The following LINGO2 variants were observed in gnomAD, a reference collection of about 807,000 sequenced individuals.
LINGO2 encodes the protein leucine-rich repeat and immunoglobulin-like domain-containing nogo receptor-interacting protein 2.
In LINGO2, 14 loss-of-function variants were observed where a neutral mutation model predicts 30.6. The ratio of observed to expected loss-of-function variants is 0.46; its 90% CI spans 0.30 to 0.72. The LOEUF is 0.72. LINGO2 is among the 30% of genes least tolerant of loss of function. The pLI, the probability that LINGO2 is intolerant of heterozygous loss-of-function variation, is 0.07. For missense variants in LINGO2, 729 were observed against 751.7 expected (o/e 0.97, Z 0.35); for synonymous variants, 317 against 288.5 (o/e 1.10, Z -1.00).
the LINGO2 span, among the ~76,000 whole-genome samples, chr9:29,133,287 G>A: frequency 6.6e-6 from 1 of 152,098 alleles, no homozygotes; most frequent in Non-Finnish European, 1.5e-5. Flanking sequence ...AAGTGGTGGT[G>A]GGACAGGGAG....
intron 3 of LINGO2, among the ~76,000 whole-genome samples, chr9:28,346,534 A>G (rs1819577652): frequency 6.6e-6 from 1 of 152,168 alleles, no homozygotes. Context: ...AACAATTTAT[A>G]TTCCTTTGGG....
chr9:28,447,572 G>A (rs1404131589), intron 2 of LINGO2, among the ~76,000 whole-genome samples: 1 of 152,150 alleles, frequency 6.6e-6, no homozygotes, highest in Non-Finnish European at 1.5e-5. Context: ...TTCCTCTAAT[G>A]AGTTTGAAGT....
chr9:28,892,686 G>A, the LINGO2 span, among the ~76,000 whole-genome samples: 1 of 151,786 alleles, frequency 6.6e-6, no homozygotes, highest in African/African-American at 2.4e-5. Context: ...ATAAGAAACA[G>A]CAATGATAAC....
At chr9:29,142,479 C>T in the LINGO2 span, among the ~76,000 whole-genome samples, 2 of 151,590 alleles carry the variant, frequency 1.3e-5, no homozygotes, top group Non-Finnish European at 1.5e-5. Context: ...AACAACTTAA[C>T]TTTATACCTT....
chr9:28,581,829 T>C (rs190892420), intron 1 of LINGO2, among the ~76,000 whole-genome samples: 178 of 152,140 alleles, frequency 1.2e-3, no homozygotes, highest in Admixed American at 6.4e-3. Flanking sequence ...TTAATTTTCA[T>C]AATTCATATT....
chr9:29,020,845 G>A, the LINGO2 span, among the ~76,000 whole-genome samples: 2 of 151,954 alleles, frequency 1.3e-5, no homozygotes, highest in Admixed American at 1.3e-4. Flanking sequence ...AGCAAAGGGT[G>A]GGGGGAAAAG....
the LINGO2 span, among the ~76,000 whole-genome samples, chr9:29,048,767 G>A: frequency 6.6e-6 from 1 of 152,082 alleles, no homozygotes; most frequent in African/African-American, 2.4e-5. Context: ...TCCATATGCA[G>A]AAAAATAAAA....
At chr9:28,395,611 A>G (rs1195467013) in intron 2 of LINGO2, among the ~76,000 whole-genome samples, 1 of 152,224 alleles carries the variant, frequency 6.6e-6, no homozygotes, top group Non-Finnish European at 1.5e-5. Flanking sequence ...CAAGTTAACC[A>G]ACAAAGCCCA....
At chr9:28,861,025 A>G in the LINGO2 span, among the ~76,000 whole-genome samples, 1 of 128,732 alleles carries the variant, frequency 7.8e-6, no homozygotes. Flanking sequence ...AATATATTAT[A>G]TAATACATAT....
At chr9:28,545,508 T>C (rs1821890604) in intron 1 of LINGO2, among the ~76,000 whole-genome samples, 1 of 152,062 alleles carries the variant, frequency 6.6e-6, no homozygotes, top group African/African-American at 2.4e-5. Flanking sequence ...ATGGAGGCAC[T>C]ATAATATATG....
intron 4 of LINGO2, among the ~76,000 whole-genome samples, chr9:28,120,111 C>T (rs1827051148): frequency 6.6e-6 from 1 of 152,048 alleles, no homozygotes; most frequent in Non-Finnish European, 1.5e-5. Context: ...TCCTCTAAAA[C>T]AAACTGGAAA....
chr9:28,369,522 G>C (rs1820816421), intron 3 of LINGO2, among the ~76,000 whole-genome samples: 1 of 152,052 alleles, frequency 6.6e-6, no homozygotes, highest in African/African-American at 2.4e-5. Context: ...CTGACATTTG[G>C]GTACACTCAG....
upstream of LINGO2, among the ~76,000 whole-genome samples, chr9:28,672,399 A>G (rs1256528081): frequency 6.6e-6 from 1 of 152,184 alleles, no homozygotes; most frequent in Non-Finnish European, 1.5e-5. Context: ...CACAGCAAAC[A>G]ACTCTAACTC....
chr9:29,014,845 T>G, the LINGO2 span, among the ~76,000 whole-genome samples: 1 of 152,260 alleles, frequency 6.6e-6, no homozygotes, highest in African/African-American at 2.4e-5. Flanking sequence ...ACCCTGTGAT[T>G]AAATTCTCTT....
intron 5 of LINGO2, among the ~76,000 whole-genome samples, chr9:27,956,595 A>G (rs961981620): frequency 3.3e-5 from 5 of 151,994 alleles, no homozygotes; most frequent in Non-Finnish European, 7.4e-5. Context: ...TTTGGTTTCT[A>G]TTTAAGAGCC....
rs536560465 is a variant in LINGO2, at chr9:28,176,627, C to T, written c.-87+118581G>A. On this transcript the variant is annotated intron_variant, in intron 4 of 5. Transcript: ENST00000379992. ...AATGCTTGCACATATATTCTTTCAC[C>T]TAATCTTTACAACAAGCCAATGAGG... is the stretch of plus-strand genomic sequence containing the variant. Among the ~76,000 whole-genome samples, 3 of 152,202 alleles carry T rather than the reference C, an allele frequency of 2.0e-5. No individual in the cohort carries two copies. The South Asian group carries it at 6.2e-4, about 32-fold the overall frequency.
chr9:28,207,413 C>A (rs1353846823), intron 4 of LINGO2, among the ~76,000 whole-genome samples: 1 of 151,988 alleles, frequency 6.6e-6, no homozygotes, highest in Non-Finnish European at 1.5e-5. Flanking sequence ...TTTAGACAGG[C>A]TAATTAATGC....
intron 1 of LINGO2, among the ~76,000 whole-genome samples, chr9:28,583,932 G>A (rs1824395396): frequency 6.6e-6 from 1 of 151,954 alleles, no homozygotes; most frequent in South Asian, 2.1e-4. Context: ...TCACACATTG[G>A]TGAGAGATCA....
At chr9:28,343,062 T>C (rs998937795) in intron 3 of LINGO2, among the ~76,000 whole-genome samples, 1 of 152,154 alleles carries the variant, frequency 6.6e-6, no homozygotes, top group South Asian at 2.1e-4. Flanking sequence ...TTCCATATGG[T>C]CATTTTATAA....
Sources: allele counts gnomAD v4.1 joint callset (sites outside exome capture counted in the v4.1 genomes callset), GRCh38; gene constraint gnomAD v4.1.1; transcripts MANE v1.5; gene names NCBI Gene and HGNC (gene_info 2026-07-23, HGNC 2026-07-21).